Variants in RAPGEF5 observed in about 807,000 individuals in gnomAD.
RAPGEF5 encodes M-Ras-regulated GEF.
Under a neutral mutation model 125.2 loss-of-function variants are expected in RAPGEF5, and 65 were observed. That is an observed-to-expected ratio of 0.52 (90% CI 0.43 to 0.64). The LOEUF (loss-of-function observed/expected upper bound fraction) is 0.64. Ranked by LOEUF, RAPGEF5 falls within the 30% of genes least tolerant of loss-of-function variation. The pLI is 0.00. For synonymous variants in RAPGEF5, 391 were observed against 385.9 expected, an observed-to-expected ratio of 1.01 and a Z score of -0.16; for missense variants, 958 against 1,048.1, an observed-to-expected ratio of 0.91 and a Z score of 1.19.
At chr7:22,257,348 C>A (rs1423474233) in intron 7 of RAPGEF5, among the ~76,000 whole-genome samples, 1 of 152,126 alleles carries the variant, frequency 6.6e-6, no homozygotes, top group Non-Finnish European at 1.5e-5. Flanking sequence ...TTAATTAAGG[C>A]CATGCTTAAT....
chr7:22,274,554 T>G (rs1250393280), intron 6 of RAPGEF5, among the ~76,000 whole-genome samples: 1 of 151,802 alleles, frequency 6.6e-6, no homozygotes, highest in Admixed American at 6.6e-5. Context: ...GGTCTTAAAC[T>G]CCTGGGCTCA....
chr7:22,301,386 C>T (rs960090575), intron 5 of RAPGEF5, among the ~76,000 whole-genome samples: 5 of 152,078 alleles, frequency 3.3e-5, no homozygotes, highest in South Asian at 2.1e-4. Context: ...GAGGCCAAGG[C>T]GGGTGGATCA....
At chr7:22,214,094 C>A (rs996291796) in intron 9 of RAPGEF5, among the ~76,000 whole-genome samples, 1 of 152,120 alleles carries the variant, frequency 6.6e-6, no homozygotes, top group Admixed American at 6.5e-5. Context: ...AACAAGGAAC[C>A]TTTGACGTAG....
chr7:22,261,634 T>C (rs1163807202), intron 7 of RAPGEF5, among the ~76,000 whole-genome samples: 3 of 151,944 alleles, frequency 2.0e-5, no homozygotes, highest in African/African-American at 7.3e-5. Context: ...TCAAAAATAA[T>C]AACGATAATA....
At chr7:22,136,868 G>GT (rs1783094773) in intron 22 of RAPGEF5, 65 bp downstream of exon 22, 1 of 1,354,286 alleles carries the variant, frequency 7.4e-7, no homozygotes, top group Non-Finnish European at 1.0e-6. Flanking sequence ...CCACTATAAT[G>GT]TAGAAAGAAA....
chr7:22,286,434 T>A (rs1322935006), intron 6 of RAPGEF5, among the ~76,000 whole-genome samples: 1 of 152,174 alleles, frequency 6.6e-6, no homozygotes, highest in Non-Finnish European at 1.5e-5. Context: ...CAAACCCAGA[T>A]GAGATGTTTG....
intron 6 of RAPGEF5, among the ~76,000 whole-genome samples, chr7:22,281,286 A>T (rs1041116539): frequency 1.3e-5 from 2 of 152,210 alleles, no homozygotes; most frequent in African/African-American, 2.4e-5. Context: ...AGCTCAGCTC[A>T]CTGCTACCTC....
chr7:22,138,525 C>T (rs759377328), intron 21 of RAPGEF5, among the ~76,000 whole-genome samples: 34 of 152,192 alleles, frequency 2.2e-4, no homozygotes, highest in Non-Finnish European at 4.1e-4. Context: ...CTGTGGTCAC[C>T]TCTACCTGAG....
At chr7:22,219,715 T>G in intron 9 of RAPGEF5, 151 bp downstream of exon 9, 1 of 1,090,182 alleles carries the variant, frequency 9.2e-7, no homozygotes, top group Non-Finnish European at 1.3e-6. Context: ...TGAGCAGCTG[T>G]CATTTTTACT....
chr7:22,311,578 C>A (rs540334058), intron 3 of RAPGEF5, among the ~76,000 whole-genome samples: 1 of 152,240 alleles, frequency 6.6e-6, no homozygotes, highest in South Asian at 2.1e-4. Context: ...AACATCCCAG[C>A]TTTTCATCAA....
chr7:22,134,775 G>T (rs954903879), intron 23 of RAPGEF5, among the ~76,000 whole-genome samples: 4 of 152,114 alleles, frequency 2.6e-5, no homozygotes, highest in African/African-American at 9.7e-5. Flanking sequence ...AAAAAGCACA[G>T]ACCTTCTCTT....
chr7:22,134,424 T>C (rs1437878407), intron 23 of RAPGEF5, among the ~76,000 whole-genome samples: 1 of 152,210 alleles, frequency 6.6e-6, no homozygotes, highest in East Asian at 1.9e-4. Flanking sequence ...GGGAAATTTG[T>C]CTTGCTGCCA....
At chr7:22,321,974 A>G (rs1466049172) in intron 1 of RAPGEF5, among the ~76,000 whole-genome samples, 2 of 152,180 alleles carry the variant, frequency 1.3e-5, no homozygotes, top group Non-Finnish European at 1.5e-5. Context: ...CAGCCAGATT[A>G]CGGCCTTGAG....
chr7:22,338,506 T>G (rs966604386), intron 1 of RAPGEF5, among the ~76,000 whole-genome samples: 5 of 152,244 alleles, frequency 3.3e-5, no homozygotes, highest in African/African-American at 1.2e-4. Flanking sequence ...CACTGGACTT[T>G]GAGTAGCTAA....
At chr7:22,171,606 C>T (rs1348432847) in intron 11 of RAPGEF5, among the ~76,000 whole-genome samples, 2 of 152,192 alleles carry the variant, frequency 1.3e-5, no homozygotes, top group African/African-American at 4.8e-5. Context: ...TCAAGTGATT[C>T]TCCGGCCTCA....
At chr7:22,273,546 C>T (rs540686310) in intron 6 of RAPGEF5, among the ~76,000 whole-genome samples, 2 of 152,272 alleles carry the variant, frequency 1.3e-5, no homozygotes, top group Non-Finnish European at 2.9e-5. Context: ...CTTAAATAGA[C>T]TTGTTTAATG....
intron 1 of RAPGEF5, among the ~76,000 whole-genome samples, chr7:22,322,640 G>A (rs953841265): frequency 2.0e-5 from 3 of 152,150 alleles, no homozygotes; most frequent in Non-Finnish European, 2.9e-5. Context: ...TAAGAGTAAT[G>A]TGACAAAAAA....
At chr7:22,194,756 C>T in intron 9 of RAPGEF5, 1 of 985,380 alleles carries the variant, frequency 1.0e-6, no homozygotes, top group Non-Finnish European at 1.2e-6. Context: ...GGAGAGATGG[C>T]TGAACACACA....
In RAPGEF5 at chr7:22,154,504, G is replaced by C; in HGVS notation, c.1737C>G (p.Ile579Met). 1 of 1,613,852 alleles carries C rather than the reference G, an allele frequency of 6.2e-7. No individual in the cohort carries two copies. Among genetic ancestry groups the C allele is most frequent in the Admixed American group, 1.7e-5 (1 of 59,964 alleles). ...QEILKVVAEK[I>M]QYAEEDLALV... ...GAGCCAGATCCTCTTCTGCATACTGGATCTTTTCTGCCACGACTTTTAGGA... is the reference window on the plus strand; with the variant it reads ...GAGCCAGATCCTCTTCTGCATACTGCATCTTTTCTGCCACGACTTTTAGGA... Residue 579 changes from isoleucine (I) to methionine (M), a missense_variant, in exon 17 of 26, where the codon ATC (isoleucine) becomes ATG (methionine). By Grantham distance (10) the Ile-to-Met change is conservative (BLOSUM62 1). Coordinates refer to ENST00000665637, the MANE Select transcript of RAPGEF5 (RefSeq NM_012294.5).
Sources: gnomAD v4.1 joint callset for allele counts (sites outside exome capture counted in the v4.1 genomes callset) on GRCh38, gnomAD v4.1.1 for gene constraint, MANE v1.5 for transcripts, NCBI Gene and HGNC (gene_info 2026-07-23, HGNC 2026-07-21) for gene names.